The following SAMMSON variants were observed in gnomAD, a reference collection of about 807,000 sequenced individuals.
SAMMSON encodes long intergenic non-protein coding RNA 1212.
At chr3:70,225,223 A>C (rs958966844) in intron 4 of SAMMSON, among the ~76,000 whole-genome samples, 1 of 152,216 alleles carries the variant, frequency 6.6e-6, no homozygotes, top group South Asian at 2.1e-4. Context: ...AGAGAAATGT[A>C]TAATACTGAT....
At chr3:70,220,989 T>C (rs780822029) in intron 4 of SAMMSON, among the ~76,000 whole-genome samples, 1 of 152,142 alleles carries the variant, frequency 6.6e-6, no homozygotes, top group Non-Finnish European at 1.5e-5. Flanking sequence ...TAATGACATG[T>C]TTTAAATCTG....
intron 4 of SAMMSON, among the ~76,000 whole-genome samples, chr3:70,196,544 A>G (rs2106716131): frequency 6.6e-6 from 1 of 152,330 alleles, no homozygotes; most frequent in Middle Eastern, 3.4e-3. Context: ...CAATTCTAAA[A>G]GAATGCACTA....
intron 4 of SAMMSON, among the ~76,000 whole-genome samples, chr3:70,128,650 C>T (rs144525499): frequency 7.4e-4 from 112 of 152,204 alleles, no homozygotes; most frequent in African/African-American, 2.6e-3. Flanking sequence ...GAAAGGTTGC[C>T]CTTTCCTATT....
chr3:70,180,976 T>C (rs891137497), intron 4 of SAMMSON, among the ~76,000 whole-genome samples: 3 of 152,066 alleles, frequency 2.0e-5, no homozygotes, highest in African/African-American at 7.2e-5. Flanking sequence ...ACTGCTTATG[T>C]TGGGGGACTA....
chr3:70,294,126 AAAT>A (rs1171739010), intron 7 of SAMMSON, among the ~76,000 whole-genome samples: 1 of 152,150 alleles, frequency 6.6e-6, no homozygotes, highest in Non-Finnish European at 1.5e-5. Flanking sequence ...AGTGTTTTAG[AAAT>A]GTCAGTTGTT....
At chr3:70,045,042 A>AAT (rs1491150548) in intron 3 of SAMMSON, among the ~76,000 whole-genome samples, 1 of 123,580 alleles carries the variant, frequency 8.1e-6, no homozygotes, top group African/African-American at 3.2e-5. Context: ...TATTATAATT[A>AAT]ATATATATAA....
At chr3:70,176,076 T>G (rs1000385390) in intron 4 of SAMMSON, among the ~76,000 whole-genome samples, 1 of 152,072 alleles carries the variant, frequency 6.6e-6, no homozygotes. Flanking sequence ...AGAATTTGAG[T>G]TCACTAAATT....
intron 4 of SAMMSON, among the ~76,000 whole-genome samples, chr3:70,214,536 T>C (rs947994411): frequency 3.3e-5 from 5 of 151,218 alleles, no homozygotes; most frequent in African/African-American, 7.3e-5. Flanking sequence ...GGAAGAAGGC[T>C]GAGCATGGCC....
At chr3:70,001,810 T>C (rs988123656) in intron 1 of SAMMSON, among the ~76,000 whole-genome samples, 2 of 152,180 alleles carry the variant, frequency 1.3e-5, no homozygotes, top group African/African-American at 4.8e-5. Flanking sequence ...GAACAATATT[T>C]GAAAGGCATT....
intron 4 of SAMMSON, among the ~76,000 whole-genome samples, chr3:70,222,483 G>A (rs1701469684): frequency 6.6e-6 from 1 of 152,188 alleles, no homozygotes; most frequent in African/African-American, 2.4e-5. Context: ...ACTTTGGATA[G>A]GTTGGTTTTC....
At position 70,085,641 on chromosome 3, in the gene SAMMSON, TA is replaced by T. The variant is rs1346315493; in HGVS notation, n.507+14077del. Reference sequence around the variant, plus strand: ...CCAAACTCCTGACTTACCCAAATTTTATGAATACATTTTATGTTTCTTCTGG... The same window carrying T: ...CCAAACTCCTGACTTACCCAAATTTTTGAATACATTTTATGTTTCTTCTGG... On this transcript the variant is annotated intron_variant and non_coding_transcript_variant, in intron 4 of 9. Coordinates refer to ENST00000642114, the Ensembl canonical transcript of SAMMSON. Among the ~76,000 whole-genome samples the T allele has an allele frequency of 3.3e-5, 5 of 152,352 alleles. No homozygotes were observed. The East Asian group carries it at 9.7e-4, about 29-fold the overall frequency.
chr3:70,239,558 T>C (rs768503798), intron 4 of SAMMSON, among the ~76,000 whole-genome samples: 29 of 152,208 alleles, frequency 1.9e-4, no homozygotes, highest in Non-Finnish European at 4.1e-4. Flanking sequence ...GAGTATAAAA[T>C]TTGAATTTAG....
intron 4 of SAMMSON, among the ~76,000 whole-genome samples, chr3:70,148,561 C>A (rs770223338): frequency 5.3e-5 from 8 of 152,048 alleles, no homozygotes; most frequent in African/African-American, 9.7e-5. Flanking sequence ...GTGCCAGCAT[C>A]TTGTGAAGGC....
intron 3 of SAMMSON, among the ~76,000 whole-genome samples, chr3:70,020,225 CT>C (rs2067006415): frequency 6.6e-6 from 1 of 152,060 alleles, no homozygotes. Flanking sequence ...TGTTTATTCC[CT>C]TTTATTCTTT....
intron 4 of SAMMSON, among the ~76,000 whole-genome samples, chr3:70,145,986 T>A (rs985520900): frequency 1.3e-5 from 2 of 151,980 alleles, no homozygotes; most frequent in African/African-American, 2.4e-5. Context: ...AGACACACAT[T>A]CTTAACACCA....
At chr3:70,114,890 TC>T (rs904826991) in intron 4 of SAMMSON, among the ~76,000 whole-genome samples, 14 of 152,164 alleles carry the variant, frequency 9.2e-5, no homozygotes, top group Non-Finnish European at 1.5e-4. Flanking sequence ...TTTGGGACAT[TC>T]TTTTAGCATT....
intron 4 of SAMMSON, among the ~76,000 whole-genome samples, chr3:70,127,484 G>C (rs1445824682): frequency 1.3e-5 from 2 of 152,072 alleles, no homozygotes; most frequent in African/African-American, 4.8e-5. Flanking sequence ...AGTTGATAAT[G>C]GCTGCATTTC....
chr3:70,069,877 A>T (rs1576113995), intron 3 of SAMMSON: 1 of 152,252 alleles, frequency 6.6e-6, no homozygotes, highest in South Asian at 2.1e-4. Context: ...AGCTGCGGGA[A>T]GGTACAGAGA....
At position 70,414,565 on chromosome 3, in the gene SAMMSON, T is replaced by C. The variant is rs540555516; in HGVS notation, n.234-47995T>C. On this transcript the variant is annotated intron_variant and non_coding_transcript_variant, in intron 2 of 3. Transcript: ENST00000641053. ...AACAGTGAAGGTAACTAATAACTGG[T>C]TTTCCCATGAAGTTATGAGAGAATC... Among the ~76,000 whole-genome samples the C allele has an allele frequency of 4.6e-5, 7 of 152,192 alleles. No individual in the cohort carries two copies. The South Asian group carries it at 1.5e-3, about 32-fold the overall frequency.
Sources: gnomAD v4.1 joint callset for allele counts (sites outside exome capture counted in the v4.1 genomes callset) on GRCh38, gnomAD v4.1.1 for gene constraint, MANE v1.5 for transcripts, NCBI Gene and HGNC (gene_info 2026-07-23, HGNC 2026-07-21) for gene names.